PRTG: variants seen among roughly 807,000 people sequenced by gnomAD.
PRTG encodes immunoglobulin superfamily, DCC subclass, member 5.
A neutral mutation model predicts 122.5 loss-of-function variants in PRTG; 67 were observed. The ratio of observed to expected loss-of-function variants is 0.55; its 90% CI spans 0.45 to 0.67. The LOEUF (loss-of-function observed/expected upper bound fraction) is 0.67, where lower values mean the gene tolerates loss of function less well. Ranked by LOEUF, PRTG falls within the 30% of genes least tolerant of loss-of-function variation. PRTG has a pLI of 0.00. For synonymous variants in PRTG, 554 were observed against 501.1 expected (o/e 1.11, Z -1.41); for missense variants, 1,435 against 1,415.4 (o/e 1.01, Z -0.22).
chr15:55,738,021 TATATACACACACAC>T (rs1460606694), intron 2 of PRTG, among the ~76,000 whole-genome samples: 1 of 102,908 alleles, frequency 9.7e-6, no homozygotes, highest in African/African-American at 3.6e-5. Context: ...TATATATATA[TATATACACACACAC>T]ACACACACAC....
chr15:55,624,916 T>C (rs2059186514), intron 17 of PRTG, among the ~76,000 whole-genome samples: 1 of 152,220 alleles, frequency 6.6e-6, no homozygotes, highest in Non-Finnish European at 1.5e-5. Flanking sequence ...TAAATGTGCA[T>C]AAATATTTTA....
intron 11 of PRTG, among the ~76,000 whole-genome samples, chr15:55,653,234 C>G (rs963734109): frequency 2.4e-4 from 36 of 152,212 alleles, no homozygotes; most frequent in Middle Eastern, 3.4e-3. Context: ...ATTCTATATA[C>G]AGCTTTCATG....
At chr15:55,738,600 T>C in intron 2 of PRTG, 1 of 686,158 alleles carries the variant, frequency 1.5e-6, no homozygotes, top group Non-Finnish European at 2.6e-6. Flanking sequence ...AAGTTTACAT[T>C]GGACAAAAAC....
Position 55,694,987 on chromosome 15 carries a change from C to T in PRTG, c.398-11056G>A, listed in dbSNP as rs181999054. On this transcript the variant is annotated intron_variant, in intron 2 of 19. Coordinates refer to ENST00000389286, the MANE Select transcript of PRTG (RefSeq NM_173814.6). The stretch of plus-strand genomic sequence containing the variant: ...AGAGGCCAGAGCTCTATAAAATAGG[C>T]AAGAAACAAGGTCTTGAGAAACATG... Among the ~76,000 whole-genome samples, 57 of 152,214 alleles carry T rather than the reference C, an allele frequency of 3.7e-4. No homozygotes were observed. In the East Asian group the frequency reaches 0.011, roughly 28 times the overall value.
Position 55,630,469 on chromosome 15 carries a change from C to T in PRTG, c.2624-1465G>A, listed in dbSNP as rs114766285. 4.4e-3 allele frequency among the ~76,000 whole-genome samples: 663 copies of T among 152,296 alleles called. 4 individuals carry two copies. The highest frequency in any genetic ancestry group is 0.015 in the African/African-American group (634 of 41,558). On this transcript the variant is annotated intron_variant, in intron 15 of 19. Transcript: ENST00000389286. Reference sequence around the variant, plus strand: ...TTCAAGATAAACAGGGAAGAAAATGCACAGTTACGCAGGAACCTCAGAGTA... The same window carrying T: ...TTCAAGATAAACAGGGAAGAAAATGTACAGTTACGCAGGAACCTCAGAGTA...
chr15:55,639,833 T>G lies in PRTG; in HGVS notation c.2138-5A>C, dbSNP rs1193544772. On this transcript the variant is annotated splice_region_variant and splice_polypyrimidine_tract_variant and intron_variant, in intron 12 of 19. Coordinates refer to ENST00000389286, the MANE Select transcript of PRTG (RefSeq NM_173814.6). ...GGACCATGCGATCACGAACAGCTAT[T>G]GAGAAAAACAATGTTAATTTACGAT... 6.2e-7 allele frequency: 1 copy of G among 1,612,962 alleles called. No individual in the cohort carries two copies. The highest frequency in any genetic ancestry group is 8.5e-7 in the Non-Finnish European group (1 of 1,179,514).
intron 2 of PRTG, among the ~76,000 whole-genome samples, chr15:55,725,124 C>CA (rs1244774096): frequency 2.0e-5 from 3 of 152,092 alleles, no homozygotes; most frequent in Non-Finnish European, 4.4e-5. Context: ...ACTATCTATA[C>CA]AAAACATATG....
intron 2 of PRTG, among the ~76,000 whole-genome samples, chr15:55,702,311 A>G (rs2029923395): frequency 6.6e-6 from 1 of 152,182 alleles, no homozygotes; most frequent in Non-Finnish European, 1.5e-5. Context: ...CCAGGAGCTT[A>G]GGATATCTTG....
intron 2 of PRTG, among the ~76,000 whole-genome samples, chr15:55,714,697 C>T (rs1223878736): frequency 6.6e-6 from 1 of 152,168 alleles, no homozygotes; most frequent in Non-Finnish European, 1.5e-5. Flanking sequence ...ACTCTCTTAA[C>T]CACTTATACT....
intron 2 of PRTG, chr15:55,738,259 A>C: frequency 2.6e-6 from 1 of 387,040 alleles, no homozygotes; most frequent in Non-Finnish European, 4.6e-6. Context: ...ATTTCTATAG[A>C]GATGCAAAAA....
chr15:55,627,904 G>C (rs2059204466), intron 16 of PRTG, among the ~76,000 whole-genome samples: 1 of 152,098 alleles, frequency 6.6e-6, no homozygotes, highest in Non-Finnish European at 1.5e-5. Context: ...CTAAGTCTGG[G>C]GTGGGGCATG....
intron 2 of PRTG, among the ~76,000 whole-genome samples, chr15:55,711,042 G>C (rs1211114317): frequency 2.6e-5 from 4 of 151,492 alleles, no homozygotes; most frequent in Non-Finnish European, 5.9e-5. Context: ...GAGTAGCTGG[G>C]ATTACAGGCG....
Position 55,624,239 on chromosome 15 carries a change from G to T in PRTG, c.3093+103C>A. 11 of 934,940 alleles carry T rather than the reference G, an allele frequency of 1.2e-5. No homozygotes were observed. In the South Asian group the frequency reaches 1.3e-4, roughly 11 times the overall value. 57.9% of individuals were successfully genotyped at this position (934,940 alleles called of 1,614,324 possible). A position where few individuals can be genotyped will look rare whatever the true frequency, so the allele number is the denominator to read the frequency against. On this transcript the variant is annotated intron_variant, in intron 18 of 19. Transcript: ENST00000389286. ...TCAATATTTCATTAATAAGAGTATT[G>T]GTATAATACATTCAACATACAATTT... is the stretch of plus-strand genomic sequence containing the variant.
chr15:55,637,315 T>C lies in PRTG; in HGVS notation c.2478A>G (p.Val826=). Residue 826 remains valine (V), a synonymous_variant, in exon 15 of 20, where the codon GTA becomes GTG. Coordinates refer to ENST00000389286, the MANE Select transcript of PRTG (RefSeq NM_173814.6). ...PEAPAGPPVG[V]KVTLIEDDTA... ...TGTCATCCTCTATTAATGTCACTTT[T>C]ACTCCAACTGGTGGGCCTGCTGGTG... 2 of 1,613,092 alleles carry C rather than the reference T, an allele frequency of 1.2e-6. No homozygotes were observed. Among genetic ancestry groups the C allele is most frequent in the Non-Finnish European group, 1.7e-6 (2 of 1,179,714 alleles).
chr15:55,636,286 T>A lies in PRTG; in HGVS notation c.2623+884A>T, dbSNP rs535759114. Among the ~76,000 whole-genome samples the A allele has an allele frequency of 4.5e-4, 69 of 152,204 alleles. No homozygotes were observed. In the Middle Eastern group the frequency reaches 0.01, roughly 23 times the overall value. ...CCCTGTATTTAAGAGGACTCTAATA[T>A]TCATACGGGTCAATTTTTTTTTTCA... is the stretch of plus-strand genomic sequence containing the variant. On this transcript the variant is annotated intron_variant, in intron 15 of 19. Transcript: ENST00000389286.
intron 18 of PRTG, among the ~76,000 whole-genome samples, chr15:55,621,005 CA>C (rs1238931612): frequency 3.9e-5 from 6 of 152,092 alleles, no homozygotes; most frequent in African/African-American, 1.4e-4. Context: ...CATTAGTACA[CA>C]AAATGCTTAA....
intron 2 of PRTG, among the ~76,000 whole-genome samples, chr15:55,714,467 G>A (rs1200618445): frequency 6.6e-6 from 1 of 151,530 alleles, no homozygotes; most frequent in East Asian, 1.9e-4. Flanking sequence ...CTGGCCTCAA[G>A]GGATCCTTCT....
chr15:55,657,682 G>C (rs574390548), intron 11 of PRTG, among the ~76,000 whole-genome samples: 83 of 152,276 alleles, frequency 5.5e-4, no homozygotes, highest in South Asian at 3.3e-3. Context: ...ACTGTAGTTT[G>C]TTTTGACTGC....
intron 2 of PRTG, among the ~76,000 whole-genome samples, chr15:55,690,038 A>G (rs537904694): frequency 7.4e-4 from 112 of 152,348 alleles, no homozygotes; most frequent in African/African-American, 2.5e-3. Context: ...TATGAAAACA[A>G]TATCTCTGCT....
Sources: allele counts gnomAD v4.1 joint callset (sites outside exome capture counted in the v4.1 genomes callset), GRCh38; gene constraint gnomAD v4.1.1; transcripts MANE v1.5; gene names NCBI Gene and HGNC (gene_info 2026-07-23, HGNC 2026-07-21).